TTC28: variants seen among roughly 807,000 people sequenced by gnomAD.
TTC28 encodes tetratricopeptide repeat protein 28.
A neutral mutation model predicts 198.0 loss-of-function variants in TTC28; 61 were observed. That is an observed-to-expected ratio of 0.31 (90% CI 0.25 to 0.38). TTC28 has a LOEUF of 0.38. Ranked by LOEUF, TTC28 falls within the 10% of genes least tolerant of loss-of-function variation. The pLI, the probability that TTC28 is intolerant of heterozygous loss-of-function variation, is 1.00. For missense variants in TTC28, 2,678 were observed against 3,164.0 expected (o/e 0.85, Z 3.69); for synonymous variants, 1,171 against 1,297.8 (o/e 0.90, Z 2.10).
intron 12 of TTC28, among the ~76,000 whole-genome samples, chr22:28,035,806 G>T (rs1448613792): frequency 6.6e-6 from 1 of 152,002 alleles, no homozygotes; most frequent in Non-Finnish European, 1.5e-5. Context: ...AAAAGAGCCT[G>T]GGCTAAAGAA....
chr22:28,382,674 C>A (rs1210718884), intron 2 of TTC28, among the ~76,000 whole-genome samples: 1 of 152,106 alleles, frequency 6.6e-6, no homozygotes, highest in African/African-American at 2.4e-5. Flanking sequence ...CTAAAAAGCA[C>A]AACACTAGAC....
intron 6 of TTC28, among the ~76,000 whole-genome samples, chr22:28,155,559 G>A (rs1051236406): frequency 3.9e-5 from 6 of 152,156 alleles, no homozygotes; most frequent in Non-Finnish European, 7.3e-5. Flanking sequence ...TACTAAGAGA[G>A]GCTTCAAGTA....
chr22:28,559,341 G>A (rs924292055), intron 2 of TTC28, among the ~76,000 whole-genome samples: 5 of 152,096 alleles, frequency 3.3e-5, no homozygotes, highest in Admixed American at 6.5e-5. Flanking sequence ...CAAAGAATCC[G>A]AAAGTACTCC....
intron 6 of TTC28, among the ~76,000 whole-genome samples, chr22:28,161,587 G>T (rs985394787): frequency 1.3e-5 from 2 of 151,868 alleles, no homozygotes; most frequent in African/African-American, 4.8e-5. Flanking sequence ...TCAGGAGTTT[G>T]AGGCTGCAGT....
At chr22:28,410,092 T>C (rs996221466) in intron 2 of TTC28, among the ~76,000 whole-genome samples, 1 of 152,112 alleles carries the variant, frequency 6.6e-6, no homozygotes, top group Non-Finnish European at 1.5e-5. Flanking sequence ...CGGTTGATTT[T>C]TGTATTTTTT....
intron 2 of TTC28, among the ~76,000 whole-genome samples, chr22:28,370,298 T>C (rs574302829): frequency 1.3e-5 from 2 of 152,272 alleles, no homozygotes; most frequent in South Asian, 4.2e-4. Flanking sequence ...CCTTCTGACC[T>C]AGAGAAGGTG....
At position 28,107,171 on chromosome 22, in the gene TTC28, C is replaced by T. The variant is rs759375575; in HGVS notation, c.2674G>A (p.Asp892Asn). 1.0e-5 allele frequency: 16 copies of T among 1,551,746 alleles called. No homozygotes were observed. Among genetic ancestry groups the T allele is most frequent in the Non-Finnish European group, 1.4e-5 (16 of 1,146,992 alleles). The part of the protein sequence containing the change: ...NLGDCYEALG[D>N]YEEAIKYYEQ... Reference sequence around the variant, plus strand: ...TAGTATTTGATAGCTTCCTCATAGTCACCCAGGGCTTCGTAGCAATCCCCC... The same window carrying T: ...TAGTATTTGATAGCTTCCTCATAGTTACCCAGGGCTTCGTAGCAATCCCCC... The change falls in exon 7 of 23, where the codon GAC (aspartate) becomes AAC (asparagine). Residue 892 changes from aspartate (D) to asparagine (N), a missense_variant. Around this residue, in one of 8 missense-constraint regions of TTC28, gnomAD observed 775 missense variants for 845.9 expected, o/e 0.92. Coordinates refer to ENST00000397906, the MANE Select transcript of TTC28 (RefSeq NM_001145418.2).
At chr22:28,115,924 T>C (rs1245647013) in intron 6 of TTC28, among the ~76,000 whole-genome samples, 1 of 152,198 alleles carries the variant, frequency 6.6e-6, no homozygotes, top group East Asian at 1.9e-4. Context: ...CTCTCCCTCC[T>C]ATAAGCTACA....
intron 5 of TTC28, among the ~76,000 whole-genome samples, chr22:28,290,023 C>CA (rs34480479): frequency 8.7e-5 from 13 of 149,144 alleles, no homozygotes; most frequent in Admixed American, 6.7e-4. Flanking sequence ...GACCCCATCT[C>CA]AAAAAAAAAA....
chr22:28,429,575 C>T (rs914854076), intron 2 of TTC28, among the ~76,000 whole-genome samples: 3 of 152,170 alleles, frequency 2.0e-5, no homozygotes, highest in African/African-American at 7.2e-5. Flanking sequence ...AGTTAATTTT[C>T]TATACTTAGC....
chr22:27,996,063 G>A (rs995178492), intron 17 of TTC28, 72 bp downstream of exon 17: 31 of 1,500,760 alleles, frequency 2.1e-5, no homozygotes, highest in Middle Eastern at 1.7e-4. Flanking sequence ...CCCGTGTAGG[G>A]AAACCCTTGC....
chr22:28,000,170 G>C (rs1478846017), intron 15 of TTC28: 2 of 152,208 alleles, frequency 1.3e-5, no homozygotes, highest in African/African-American at 4.8e-5. Context: ...AATCAGCTAT[G>C]GAAACTTGAG....
At chr22:28,532,562 C>A (rs2049164092) in intron 2 of TTC28, among the ~76,000 whole-genome samples, 1 of 152,112 alleles carries the variant, frequency 6.6e-6, no homozygotes, top group African/African-American at 2.4e-5. Flanking sequence ...TTTTATGAGG[C>A]CAGCATCACC....
At chr22:28,575,114 T>C (rs926154936) in intron 2 of TTC28, among the ~76,000 whole-genome samples, 12 of 152,352 alleles carry the variant, frequency 7.9e-5, no homozygotes, top group African/African-American at 2.6e-4. Context: ...TCCAATGTCC[T>C]AGAGAGTTTC....
chr22:28,043,876 A>T (rs1939761781), intron 12 of TTC28, among the ~76,000 whole-genome samples: 1 of 152,172 alleles, frequency 6.6e-6, no homozygotes, highest in African/African-American at 2.4e-5. Context: ...AGAGAGTATG[A>T]GCTGCACACC....
intron 5 of TTC28, among the ~76,000 whole-genome samples, chr22:28,219,837 G>A (rs1051891261): frequency 1.6e-4 from 25 of 152,200 alleles, no homozygotes; most frequent in Non-Finnish European, 2.9e-5. Context: ...TTTGTGAAGT[G>A]TCTCAGTTTC....
intron 5 of TTC28, among the ~76,000 whole-genome samples, chr22:28,187,329 A>C (rs1259898341): frequency 1.3e-5 from 2 of 152,238 alleles, no homozygotes; most frequent in Non-Finnish European, 2.9e-5. Flanking sequence ...TTAAAGTATG[A>C]TAATTTGAAT....
At chr22:28,673,551 A>G (rs1201269101) in intron 1 of TTC28, among the ~76,000 whole-genome samples, 1 of 152,218 alleles carries the variant, frequency 6.6e-6, no homozygotes, top group African/African-American at 2.4e-5. Flanking sequence ...ATTTGATATC[A>G]ACATTCTTTG....
intron 2 of TTC28, among the ~76,000 whole-genome samples, chr22:28,496,363 T>A (rs1424090414): frequency 6.6e-6 from 1 of 151,958 alleles, no homozygotes; most frequent in Non-Finnish European, 1.5e-5. Flanking sequence ...AAGCTCCAGA[T>A]CTCTCTCAAA....
Sources: gnomAD v4.1 joint callset for allele counts (sites outside exome capture counted in the v4.1 genomes callset) on GRCh38, gnomAD v4.1.1 for gene constraint, gnomAD v4.1.1 regional missense constraint, MANE v1.5 for transcripts, NCBI Gene and HGNC (gene_info 2026-07-23, HGNC 2026-07-21) for gene names.